TRPM3: variants seen among roughly 807,000 people sequenced by gnomAD.
The protein encoded by TRPM3 is transient receptor potential cation channel subfamily M member 3, also known as long transient receptor potential channel 3.
TRPM3 carries 77 observed loss-of-function variants against 181.2 expected under a neutral mutation model. The ratio of observed to expected loss-of-function variants is 0.42; its 90% CI spans 0.35 to 0.51. The LOEUF is 0.51. Among genes scored for constraint, TRPM3 ranks in the 20% least tolerant of loss-of-function variants. The pLI, the probability that TRPM3 is intolerant of heterozygous loss-of-function variation, is 0.01. For synonymous variants in TRPM3, 745 were observed against 796.4 expected, an observed-to-expected ratio of 0.94 and a Z score of 1.09; for missense variants, 1,759 against 2,196.7, an observed-to-expected ratio of 0.80 and a Z score of 3.98.
At chr9:71,375,765 A>G (rs1251904837) in intron 1 of TRPM3, among the ~76,000 whole-genome samples, 1 of 152,200 alleles carries the variant, frequency 6.6e-6, no homozygotes, top group African/African-American at 2.4e-5. Flanking sequence ...AGTCATCAAC[A>G]TTGAGGCAAG....
chr9:70,539,473 A>ATTTTTT (rs57538597), intron 25 of TRPM3, among the ~76,000 whole-genome samples: 1 of 137,560 alleles, frequency 7.3e-6, no homozygotes, highest in African/African-American at 2.7e-5. Flanking sequence ...CCTGCTTGTA[A>ATTTTTT]TTTTTTTTTT....
chr9:71,433,650 C>T (rs150633548), intron 1 of TRPM3, among the ~76,000 whole-genome samples: 3 of 152,312 alleles, frequency 2.0e-5, no homozygotes, highest in African/African-American at 7.2e-5. Context: ...CAATTTTAAG[C>T]TCAAAACTTT....
At chr9:71,005,626 A>G (rs1403562152) in intron 1 of TRPM3, among the ~76,000 whole-genome samples, 2 of 152,178 alleles carry the variant, frequency 1.3e-5, no homozygotes, top group African/African-American at 4.8e-5. Flanking sequence ...GCTATATTCA[A>G]AGTACTGAGA....
At chr9:71,165,392 G>T (rs900211683) in intron 1 of TRPM3, among the ~76,000 whole-genome samples, 18 of 152,110 alleles carry the variant, frequency 1.2e-4, no homozygotes, top group African/African-American at 3.6e-4. Context: ...GATGAAAAAA[G>T]CAGCGAGACA....
intron 1 of TRPM3, among the ~76,000 whole-genome samples, chr9:71,148,667 A>T (rs2075566492): frequency 6.6e-6 from 1 of 152,152 alleles, no homozygotes; most frequent in Non-Finnish European, 1.5e-5. Flanking sequence ...AAAGGCCACA[A>T]AAAAGGCATT....
intron 1 of TRPM3, among the ~76,000 whole-genome samples, chr9:71,291,491 A>G (rs1240463159): frequency 6.6e-6 from 1 of 152,138 alleles, no homozygotes; most frequent in Non-Finnish European, 1.5e-5. Flanking sequence ...TAATTTGTCA[A>G]AAGTATATTC....
chr9:70,969,834 G>T (rs2097222781), intron 1 of TRPM3, among the ~76,000 whole-genome samples: 1 of 147,610 alleles, frequency 6.8e-6, no homozygotes, highest in South Asian at 2.2e-4. Context: ...ATATATTTAA[G>T]AATAGTGCTT....
Position 70,529,885 on chromosome 9 carries a change from T to G in TRPM3, c.*6068A>C, listed in dbSNP as rs1043693620. ...TGTTTGTGGTGGGATGTGTATTCTG[T>G]CATGCCTTACTTACAAACCCTACTT... is the stretch of plus-strand genomic sequence containing the variant. On this transcript the variant is annotated 3_prime_UTR_variant, in exon 26 of 26. Transcript: ENST00000677713. The G allele has an allele frequency of 1.3e-5, 2 of 152,212 alleles. No homozygotes were observed. 9.4% of individuals were successfully genotyped at this position (152,212 alleles called of 1,614,324 possible).
chr9:70,925,787 TCA>T (rs1307302197), intron 1 of TRPM3, among the ~76,000 whole-genome samples: 1 of 152,042 alleles, frequency 6.6e-6, no homozygotes, highest in Non-Finnish European at 1.5e-5. Flanking sequence ...GATAAATTTC[TCA>T]CTGTCAATAC....
At chr9:71,271,867 T>C (rs1442813828) in intron 1 of TRPM3, among the ~76,000 whole-genome samples, 1 of 152,056 alleles carries the variant, frequency 6.6e-6, no homozygotes, top group Non-Finnish European at 1.5e-5. Flanking sequence ...GGGCAAACTG[T>C]AGAGTGATGA....
chr9:71,393,651 T>C (rs1163550199), intron 1 of TRPM3, among the ~76,000 whole-genome samples: 1 of 152,180 alleles, frequency 6.6e-6, no homozygotes, highest in Non-Finnish European at 1.5e-5. Flanking sequence ...CCCAAGTTAA[T>C]AACCTAGAGA....
intron 1 of TRPM3, among the ~76,000 whole-genome samples, chr9:71,037,351 G>A (rs1381792710): frequency 6.6e-6 from 1 of 152,164 alleles, no homozygotes; most frequent in Non-Finnish European, 1.5e-5. Flanking sequence ...TTTAAAGTTT[G>A]AATATGTAAC....
Position 71,411,759 on chromosome 9 carries a change from T to C in TRPM3, c.183+34894A>G, listed in dbSNP as rs551899426. On this transcript the variant is annotated intron_variant, in intron 1 of 24. Transcript: ENST00000357533. ...TTGGAAAAAACTACTTTGAATTTCA[T>C]ATGGAACCAAAAAAGAGCCTGCATT... is the stretch of plus-strand genomic sequence containing the variant. Among the ~76,000 whole-genome samples the C allele has an allele frequency of 5.3e-5, 8 of 152,238 alleles. No individual in the cohort carries two copies. The East Asian group carries it at 1.2e-3, about 22-fold the overall frequency.
chr9:70,827,159 A>C (rs1021059162), intron 6 of TRPM3: 2 of 152,232 alleles, frequency 1.3e-5, no homozygotes, highest in African/African-American at 4.8e-5. Flanking sequence ...AATTCAGACA[A>C]TTAAAATTTC....
chr9:70,990,500 C>T (rs567817814), intron 1 of TRPM3, among the ~76,000 whole-genome samples: 1 of 152,100 alleles, frequency 6.6e-6, no homozygotes, highest in Admixed American at 6.6e-5. Flanking sequence ...AGGTCTTGAA[C>T]GGTGATTCCC....
chr9:70,760,497 C>T (rs1300357507), intron 8 of TRPM3, among the ~76,000 whole-genome samples: 1 of 150,122 alleles, frequency 6.7e-6, no homozygotes, highest in Non-Finnish European at 1.5e-5. Flanking sequence ...GTGTGCCCCA[C>T]CCGCTCGCTG....
chr9:71,101,857 G>T (rs2068450042), intron 1 of TRPM3, among the ~76,000 whole-genome samples: 1 of 152,102 alleles, frequency 6.6e-6, no homozygotes, highest in Admixed American at 6.6e-5. Flanking sequence ...CTACATTTAA[G>T]CATCCATCTC....
intron 4 of TRPM3, among the ~76,000 whole-genome samples, chr9:70,844,325 G>A (rs1049217913): frequency 5.9e-5 from 9 of 152,196 alleles, no homozygotes; most frequent in East Asian, 5.8e-4. Context: ...ATAACAAAAC[G>A]GTGTAAATGG....
intron 1 of TRPM3, among the ~76,000 whole-genome samples, chr9:71,215,033 C>CAAAAAAAAAAAAA: frequency 9.5e-6 from 1 of 105,816 alleles, no homozygotes; most frequent in African/African-American, 4.0e-5. Flanking sequence ...CACCAAAAAA[C>CAAAAAAAAAAAAA]AAAAAAAAAA....
Sources: gnomAD v4.1 joint callset for allele counts (sites outside exome capture counted in the v4.1 genomes callset) on GRCh38, gnomAD v4.1.1 for gene constraint, MANE v1.5 for transcripts, NCBI Gene and HGNC (gene_info 2026-07-23, HGNC 2026-07-21) for gene names.